SPAG16: variants seen among roughly 807,000 people sequenced by gnomAD.
The protein encoded by SPAG16 is sperm associated antigen 16, also known as sperm-associated antigen 16 protein.
Under a neutral mutation model 80.4 loss-of-function variants are expected in SPAG16, and 86 were observed. The ratio of observed to expected loss-of-function variants is 1.07; its 90% CI spans 0.90 to 1.28. The LOEUF (loss-of-function observed/expected upper bound fraction) is 1.28. SPAG16 is among the 50% of genes most tolerant of loss of function. The pLI is 0.00. For synonymous variants in SPAG16, 294 were observed against 265.9 expected (o/e 1.11, Z -1.03); for missense variants, 870 against 765.3 (o/e 1.14, Z -1.61).
intron 13 of SPAG16, among the ~76,000 whole-genome samples, chr2:214,063,340 C>T (rs138679682): frequency 8.5e-4 from 130 of 152,208 alleles, no homozygotes; most frequent in African/African-American, 3.1e-3. Flanking sequence ...AATTTATAAA[C>T]AATGAAAATT....
chr2:213,629,145 A>G (rs1418473004), intron 10 of SPAG16, among the ~76,000 whole-genome samples: 1 of 152,220 alleles, frequency 6.6e-6, no homozygotes, highest in Non-Finnish European at 1.5e-5. Context: ...TTAAAAGACT[A>G]TAGGTTTTGG....
Position 213,764,558 on chromosome 2 carries a change from G to C in SPAG16, c.1071-97927G>C, listed in dbSNP as rs1406167962. On this transcript the variant is annotated intron_variant, in intron 10 of 15. Coordinates refer to ENST00000331683, the MANE Select transcript of SPAG16 (RefSeq NM_024532.5). ...TCTGAAAAATAGAGAATCTAGAAAA[G>C]AAATAACTTCTAGGAACTTCTTTTA... Among the ~76,000 whole-genome samples the C allele has an allele frequency of 3.9e-5, 6 of 152,018 alleles. 1 individual carries two copies. Among genetic ancestry groups the C allele is most frequent in the Non-Finnish European group, 8.8e-5 (6 of 67,990 alleles).
intron 13 of SPAG16, among the ~76,000 whole-genome samples, chr2:214,066,182 C>T (rs2125204135): frequency 6.6e-6 from 1 of 152,262 alleles, no homozygotes; most frequent in Middle Eastern, 3.4e-3. Flanking sequence ...TGTAAAGCTT[C>T]CTCATGAAAT....
chr2:213,584,626 G>A (rs944023722), intron 10 of SPAG16, among the ~76,000 whole-genome samples: 6 of 150,988 alleles, frequency 4.0e-5, no homozygotes, highest in African/African-American at 1.5e-4. Context: ...AAGGAGGGAA[G>A]GAAGGAAGGA....
At chr2:213,658,694 C>G (rs1397835575) in intron 10 of SPAG16, among the ~76,000 whole-genome samples, 1 of 152,170 alleles carries the variant, frequency 6.6e-6, no homozygotes, top group Non-Finnish European at 1.5e-5. Flanking sequence ...CTGCCAGGAA[C>G]TATGTCTCTA....
chr2:213,426,644 G>A (rs1310366708), intron 9 of SPAG16, among the ~76,000 whole-genome samples: 2 of 151,706 alleles, frequency 1.3e-5, no homozygotes, highest in African/African-American at 4.8e-5. Flanking sequence ...TTGCTTCTCT[G>A]GCTAGAAGGT....
At chr2:213,438,130 C>CT (rs761589434) in intron 9 of SPAG16, among the ~76,000 whole-genome samples, 1 of 152,156 alleles carries the variant, frequency 6.6e-6, no homozygotes, top group African/African-American at 2.4e-5. Flanking sequence ...AACGTTTTGG[C>CT]TTTTTTGCCT....
intron 11 of SPAG16, among the ~76,000 whole-genome samples, chr2:213,896,901 C>T (rs1040448579): frequency 6.6e-6 from 1 of 151,728 alleles, no homozygotes; most frequent in Non-Finnish European, 1.5e-5. Flanking sequence ...TGGTCATTAC[C>T]AGAGAGTGGT....
intron 15 of SPAG16, among the ~76,000 whole-genome samples, chr2:214,367,421 AAG>A (rs1699543363): frequency 6.6e-6 from 1 of 152,138 alleles, no homozygotes; most frequent in Non-Finnish European, 1.5e-5. Flanking sequence ...GAGAGGGAGG[AAG>A]AGTTTCATAA....
chr2:214,387,109 ATATTTT>A (rs1486972068), intron 15 of SPAG16, among the ~76,000 whole-genome samples: 1 of 152,092 alleles, frequency 6.6e-6, no homozygotes, highest in East Asian at 1.9e-4. Context: ...ACTTCCTTTT[ATATTTT>A]AAGATTTAGC....
At chr2:214,289,905 G>C (rs1245170106) in intron 15 of SPAG16, among the ~76,000 whole-genome samples, 1 of 152,088 alleles carries the variant, frequency 6.6e-6, no homozygotes, top group Non-Finnish European at 1.5e-5. Flanking sequence ...TCTTTGTCTG[G>C]TTTGGTACCT....
intron 15 of SPAG16, among the ~76,000 whole-genome samples, chr2:214,278,222 A>T (rs1293278288): frequency 6.6e-6 from 1 of 152,128 alleles, no homozygotes; most frequent in Non-Finnish European, 1.5e-5. Flanking sequence ...ACAGTCTGTC[A>T]TGGCTTACCT....
At chr2:214,086,606 G>A (rs920470882) in intron 13 of SPAG16, among the ~76,000 whole-genome samples, 5 of 151,910 alleles carry the variant, frequency 3.3e-5, no homozygotes, top group East Asian at 1.9e-4. Flanking sequence ...GCCTTCCACC[G>A]TGATTATGTT....
intron 15 of SPAG16, among the ~76,000 whole-genome samples, chr2:214,223,467 C>CAA (rs921460891): frequency 1.3e-4 from 18 of 143,404 alleles, no homozygotes; most frequent in African/African-American, 4.1e-4. Flanking sequence ...AGGGAGTAAC[C>CAA]AAAAAAAAAA....
At chr2:214,376,006 A>T (rs1289016026) in intron 15 of SPAG16, among the ~76,000 whole-genome samples, 1 of 152,048 alleles carries the variant, frequency 6.6e-6, no homozygotes, top group Non-Finnish European at 1.5e-5. Context: ...TAAGATCTAT[A>T]TGCTTCAGAT....
intron 12 of SPAG16, among the ~76,000 whole-genome samples, chr2:213,976,441 A>G (rs2045411657): frequency 6.6e-6 from 1 of 151,858 alleles, no homozygotes; most frequent in South Asian, 2.1e-4. Context: ...ACACAAATAT[A>G]TCCTATTGGA....
chr2:213,673,399 G>T (rs76528344), intron 10 of SPAG16, among the ~76,000 whole-genome samples: 2,273 of 152,180 alleles, frequency 0.015, 165 homozygotes, highest in Admixed American at 0.11. Context: ...TAATTTTTAG[G>T]TTCATTTTAA....
chr2:214,395,095 T>C (rs1269377403), intron 15 of SPAG16, among the ~76,000 whole-genome samples: 1 of 152,210 alleles, frequency 6.6e-6, no homozygotes, highest in Non-Finnish European at 1.5e-5. Flanking sequence ...TACCACGCTT[T>C]ATTAATTCAC....
intron 13 of SPAG16, among the ~76,000 whole-genome samples, chr2:214,106,475 A>C (rs1320742296): frequency 6.6e-6 from 1 of 152,182 alleles, no homozygotes; most frequent in African/African-American, 2.4e-5. Context: ...TATGTGGGGA[A>C]ATTTTGCACT....
Sources: gnomAD v4.1 joint callset for allele counts (sites outside exome capture counted in the v4.1 genomes callset) on GRCh38, gnomAD v4.1.1 for gene constraint, MANE v1.5 for transcripts, NCBI Gene and HGNC (gene_info 2026-07-23, HGNC 2026-07-21) for gene names.